STPG2: variants seen among roughly 807,000 people sequenced by gnomAD.
The protein encoded by STPG2 is sperm-tail PG-rich repeat-containing protein 2.
STPG2 carries 56 observed loss-of-function variants against 54.2 expected under a neutral mutation model. The observed-to-expected ratio is 1.03, with a 90% CI of 0.83 to 1.29. STPG2 has a LOEUF of 1.29. Among genes scored for constraint, STPG2 ranks in the 50% most tolerant of loss-of-function variants. The pLI, the probability that STPG2 is intolerant of heterozygous loss-of-function variation, is 0.00. For missense variants in STPG2, 596 were observed against 544.9 expected (o/e 1.09, Z -0.93); for synonymous variants, 200 against 181.8 (o/e 1.10, Z -0.81).
At chr4:97,538,257 G>A (rs1297365105) in intron 4 of STPG2, among the ~76,000 whole-genome samples, 2 of 152,146 alleles carry the variant, frequency 1.3e-5, no homozygotes, top group African/African-American at 4.8e-5. Flanking sequence ...AGCTAAAGGA[G>A]GAAGTTCAAA....
chr4:98,099,618 G>T (rs558928837), intron 5 of STPG2, among the ~76,000 whole-genome samples: 5 of 152,228 alleles, frequency 3.3e-5, no homozygotes, highest in African/African-American at 1.2e-4. Context: ...ATAACTTAGA[G>T]AATACAATTT....
intron 5 of STPG2, among the ~76,000 whole-genome samples, chr4:98,070,875 T>C (rs150906715): frequency 6.0e-4 from 91 of 152,090 alleles, no homozygotes; most frequent in African/African-American, 2.0e-3. Flanking sequence ...CATAAACAAA[T>C]GGAAAAAATT....
At chr4:97,880,676 G>C (rs1231989101) in intron 8 of STPG2, among the ~76,000 whole-genome samples, 1 of 152,090 alleles carries the variant, frequency 6.6e-6, no homozygotes, top group Non-Finnish European at 1.5e-5. Context: ...TCATTTCTAA[G>C]AAATACAAAT....
intron 10 of STPG2, among the ~76,000 whole-genome samples, chr4:97,563,512 T>C (rs1732322736): frequency 6.6e-6 from 1 of 152,210 alleles, no homozygotes; most frequent in African/African-American, 2.4e-5. Context: ...GCTTTTCTAG[T>C]TCTTTTAATT....
chr4:97,650,518 A>G (rs1477094126), intron 10 of STPG2, among the ~76,000 whole-genome samples: 2 of 152,218 alleles, frequency 1.3e-5, no homozygotes, highest in East Asian at 3.9e-4. Context: ...GTATAGGTAA[A>G]TTTAAACATT....
At chr4:97,532,654 G>A (rs1464030260) in intron 4 of STPG2, among the ~76,000 whole-genome samples, 7 of 152,180 alleles carry the variant, frequency 4.6e-5, no homozygotes, top group Admixed American at 4.6e-4. Flanking sequence ...AATGGAAAAT[G>A]CCTTAATGGG....
chr4:97,897,237 C>G (rs781487307), intron 8 of STPG2, among the ~76,000 whole-genome samples: 3 of 152,034 alleles, frequency 2.0e-5, no homozygotes, highest in Admixed American at 1.3e-4. Context: ...AGGACATGAT[C>G]TCATTCTTTT....
At chr4:97,748,820 C>A (rs975994460) in intron 9 of STPG2, among the ~76,000 whole-genome samples, 2 of 151,362 alleles carry the variant, frequency 1.3e-5, no homozygotes, top group Admixed American at 6.6e-5. Context: ...ACTTCAAAAC[C>A]GTGTTAAGTT....
At chr4:97,957,120 A>C (rs1233411930) in intron 7 of STPG2, among the ~76,000 whole-genome samples, 1 of 132,078 alleles carries the variant, frequency 7.6e-6, no homozygotes, top group Non-Finnish European at 1.7e-5. Context: ...TGTGAAATAT[A>C]CATGTGAAAT....
intron 4 of STPG2, among the ~76,000 whole-genome samples, chr4:97,548,217 G>A (rs576901535): frequency 6.6e-6 from 1 of 152,216 alleles, no homozygotes; most frequent in East Asian, 1.9e-4. Context: ...AATGAAAAGA[G>A]TAGGGAGCCT....
intron 10 of STPG2, among the ~76,000 whole-genome samples, chr4:97,644,836 A>C (rs546905928): frequency 8.5e-4 from 129 of 152,158 alleles, no homozygotes; most frequent in African/African-American, 3.1e-3. Flanking sequence ...CTTTTGGTCA[A>C]GATAGGTAAA....
intron 8 of STPG2, among the ~76,000 whole-genome samples, chr4:97,914,034 G>T (rs887468522): frequency 1.3e-5 from 2 of 151,784 alleles, no homozygotes; most frequent in Admixed American, 6.6e-5. Context: ...AAATTTCTAC[G>T]ATACGTAACA....
intron 4 of STPG2, among the ~76,000 whole-genome samples, chr4:97,525,709 T>C (rs1731267327): frequency 6.6e-6 from 1 of 151,988 alleles, no homozygotes; most frequent in Non-Finnish European, 1.5e-5. Context: ...AACCAGAATG[T>C]CTAAGCTGAT....
chr4:97,869,493 G>A (rs1205336123), intron 8 of STPG2, among the ~76,000 whole-genome samples: 1 of 151,602 alleles, frequency 6.6e-6, no homozygotes. Flanking sequence ...GATACATTTA[G>A]ATTTTTAAAA....
intron 4 of STPG2, among the ~76,000 whole-genome samples, chr4:97,533,371 T>A (rs1032912202): frequency 1.3e-4 from 20 of 152,274 alleles, no homozygotes; most frequent in Admixed American, 2.6e-4. Flanking sequence ...TGAATTTTTT[T>A]AAAATTTATC....
At chr4:97,806,711 G>A (rs1403812541) in intron 9 of STPG2, among the ~76,000 whole-genome samples, 1 of 151,922 alleles carries the variant, frequency 6.6e-6, no homozygotes, top group Non-Finnish European at 1.5e-5. Flanking sequence ...TCAATCAATG[G>A]GTAGTTGTGG....
chr4:97,641,147 A>G (rs1203502355), intron 10 of STPG2, among the ~76,000 whole-genome samples: 1 of 151,680 alleles, frequency 6.6e-6, no homozygotes. Flanking sequence ...GAAAGATAAA[A>G]GAAATAAAAG....
intron 10 of STPG2, among the ~76,000 whole-genome samples, chr4:97,577,885 C>G (rs1462258342): frequency 1.3e-5 from 2 of 151,934 alleles, no homozygotes; most frequent in Non-Finnish European, 2.9e-5. Context: ...GTATACAATA[C>G]AGTTAATAAT....
At chr4:97,715,170 A>C (rs1158638656) in intron 9 of STPG2, among the ~76,000 whole-genome samples, 1 of 152,168 alleles carries the variant, frequency 6.6e-6, no homozygotes, top group Admixed American at 6.6e-5. Flanking sequence ...ATACATTTTC[A>C]ATTACATATG....
Sources: gnomAD v4.1 joint callset for allele counts (sites outside exome capture counted in the v4.1 genomes callset) on GRCh38, gnomAD v4.1.1 for gene constraint, MANE v1.5 for transcripts, NCBI Gene and HGNC (gene_info 2026-07-23, HGNC 2026-07-21) for gene names.